UNC5C: variants seen among roughly 807,000 people sequenced by gnomAD.
UNC5C encodes unc-5 netrin receptor C.
A neutral mutation model predicts 99.8 loss-of-function variants in UNC5C; 47 were observed. That is an observed-to-expected ratio of 0.47 (90% CI 0.37 to 0.60). The LOEUF (loss-of-function observed/expected upper bound fraction) is 0.60, where lower values mean the gene tolerates loss of function less well. UNC5C is among the 20% of genes least tolerant of loss of function. The probability of loss-of-function intolerance (pLI) is 0.00; values close to 1 mark genes in which losing one functional copy is unlikely to be tolerated. For missense variants in UNC5C, 1,062 were observed against 1,165.9 expected (o/e 0.91, Z 1.30); for synonymous variants, 487 against 452.2 (o/e 1.08, Z -0.98).
intron 1 of UNC5C, among the ~76,000 whole-genome samples, chr4:95,445,912 G>A (rs966522358): frequency 6.6e-5 from 10 of 151,754 alleles, no homozygotes; most frequent in African/African-American, 9.7e-5. Context: ...TAGCACCACC[G>A]GAAGTTACTT....
chr4:95,205,495 G>A (rs570549565), intron 11 of UNC5C, among the ~76,000 whole-genome samples: 1 of 151,976 alleles, frequency 6.6e-6, no homozygotes, highest in African/African-American at 2.4e-5. Flanking sequence ...GGGATACTCT[G>A]GTACTCGTCT....
At chr4:95,378,379 A>G (rs1744959058) in intron 1 of UNC5C, among the ~76,000 whole-genome samples, 2 of 130,380 alleles carry the variant, frequency 1.5e-5, no homozygotes, top group African/African-American at 6.2e-5. Flanking sequence ...AGGTTGAAGT[A>G]CTGAAGAAAG....
chr4:95,181,314 A>G (rs1488457673), intron 14 of UNC5C, among the ~76,000 whole-genome samples: 1 of 152,194 alleles, frequency 6.6e-6, no homozygotes, highest in Non-Finnish European at 1.5e-5. Context: ...AATTGTGATC[A>G]CACTATGCAA....
intron 3 of UNC5C, among the ~76,000 whole-genome samples, chr4:95,295,298 C>T (rs1280617930): frequency 6.6e-6 from 1 of 152,184 alleles, no homozygotes; most frequent in Admixed American, 6.5e-5. Flanking sequence ...CTTGAATTCT[C>T]TCAGAATAAA....
At chr4:95,235,911 G>A (rs1739093029) in intron 7 of UNC5C, among the ~76,000 whole-genome samples, 1 of 152,112 alleles carries the variant, frequency 6.6e-6, no homozygotes, top group Non-Finnish European at 1.5e-5. Context: ...TTAGAATGGT[G>A]ATCATTAAAA....
intron 1 of UNC5C, among the ~76,000 whole-genome samples, chr4:95,428,314 A>G (rs1366951231): frequency 6.6e-6 from 1 of 152,188 alleles, no homozygotes; most frequent in Non-Finnish European, 1.5e-5. Context: ...AAAACCTCCC[A>G]GATCTTTTTC....
At chr4:95,213,235 C>T (rs1291258761) in intron 10 of UNC5C, among the ~76,000 whole-genome samples, 1 of 152,210 alleles carries the variant, frequency 6.6e-6, no homozygotes, top group Admixed American at 6.5e-5. Context: ...TTCATATCTT[C>T]AATTCCAATT....
At chr4:95,170,415 G>T in intron 14 of UNC5C, 83 bp from the exon 15 acceptor site, 1 of 1,443,232 alleles carries the variant, frequency 6.9e-7, no homozygotes. Context: ...ATAATGCCTT[G>T]CTTTGAGTGA....
At chr4:95,175,187 CTCTT>C (rs1457010825) in intron 14 of UNC5C, among the ~76,000 whole-genome samples, 3 of 150,130 alleles carry the variant, frequency 2.0e-5, no homozygotes, top group African/African-American at 7.3e-5. Flanking sequence ...TGGGTCTTGA[CTCTT>C]TATCCAATTT....
chr4:95,548,536 A>G (rs1723136808), intron 1 of UNC5C, among the ~76,000 whole-genome samples, 198 bp downstream of exon 1: 1 of 151,932 alleles, frequency 6.6e-6, no homozygotes, highest in South Asian at 2.1e-4. Context: ...CAGAAGATAG[A>G]TTAAACATAA....
chr4:95,343,714 T>G (rs1459212002), intron 1 of UNC5C, among the ~76,000 whole-genome samples: 1 of 152,070 alleles, frequency 6.6e-6, no homozygotes, highest in Non-Finnish European at 1.5e-5. Context: ...TTCAGAATTA[T>G]ATCAGATACA....
At chr4:95,395,415 A>G (rs1309649593) in intron 1 of UNC5C, among the ~76,000 whole-genome samples, 3 of 152,184 alleles carry the variant, frequency 2.0e-5, no homozygotes, top group African/African-American at 7.2e-5. Flanking sequence ...ATTTTTTAAA[A>G]AATTAGAACA....
At chr4:95,274,534 G>A (rs1216586261) in intron 4 of UNC5C, among the ~76,000 whole-genome samples, 1 of 152,046 alleles carries the variant, frequency 6.6e-6, no homozygotes, top group Non-Finnish European at 1.5e-5. Flanking sequence ...TATTGGAAAG[G>A]GCTTAAAGAA....
intron 1 of UNC5C, among the ~76,000 whole-genome samples, chr4:95,462,557 C>G (rs530100617): frequency 6.6e-6 from 1 of 152,008 alleles, no homozygotes; most frequent in Non-Finnish European, 1.5e-5. Context: ...TGTAATATGG[C>G]AACATACAGG....
At chr4:95,197,185 A>G (rs1188876160) in intron 12 of UNC5C, among the ~76,000 whole-genome samples, 1 of 148,134 alleles carries the variant, frequency 6.8e-6, no homozygotes, top group East Asian at 2.0e-4. Flanking sequence ...ATATAACCAC[A>G]TATAATAATA....
intron 14 of UNC5C, among the ~76,000 whole-genome samples, chr4:95,177,896 T>TG (rs1357064549): frequency 2.0e-5 from 3 of 150,524 alleles, no homozygotes; most frequent in Non-Finnish European, 3.0e-5. Flanking sequence ...TAAGAGATGA[T>TG]GGGGTCTCAC....
chr4:95,200,317 T>G (rs1737606741), intron 12 of UNC5C, among the ~76,000 whole-genome samples: 1 of 152,244 alleles, frequency 6.6e-6, no homozygotes, highest in African/African-American at 2.4e-5. Context: ...CTTCTTTAGC[T>G]CCTTTGCTGG....
chr4:95,389,384 A>C, intron 1 of UNC5C, among the ~76,000 whole-genome samples: 1 of 152,200 alleles, frequency 6.6e-6, no homozygotes, highest in Non-Finnish European at 1.5e-5. Flanking sequence ...AAAATAAAGC[A>C]CTAGTCAATA....
chr4:95,286,040 C>T (rs780311891), intron 3 of UNC5C, among the ~76,000 whole-genome samples: 33 of 152,264 alleles, frequency 2.2e-4, no homozygotes, highest in Non-Finnish European at 4.0e-4. Flanking sequence ...GGTATAATTT[C>T]ACAGGGTTAT....
Sources: allele counts gnomAD v4.1 joint callset (sites outside exome capture counted in the v4.1 genomes callset), GRCh38; gene constraint gnomAD v4.1.1; transcripts MANE v1.5; gene names NCBI Gene and HGNC (gene_info 2026-07-23, HGNC 2026-07-21).